Variants in DLGAP1 observed in about 807,000 individuals in gnomAD.
The protein encoded by DLGAP1 is DLG associated protein 1.
In DLGAP1, 11 loss-of-function variants were observed where a neutral mutation model predicts 90.8. The observed-to-expected ratio is 0.12, with a 90% confidence interval of 0.08 to 0.20. The LOEUF is 0.20. Ranked by LOEUF, DLGAP1 falls within the 10% of genes least tolerant of loss-of-function variation. The pLI, the probability that DLGAP1 is intolerant of heterozygous loss-of-function variation, is 1.00. For missense variants in DLGAP1, 1,050 were observed against 1,333.8 expected, an observed-to-expected ratio of 0.79 and a Z score of 3.31; for synonymous variants, 558 against 540.7, an observed-to-expected ratio of 1.03 and a Z score of -0.44.
intron 1 of DLGAP1, among the ~76,000 whole-genome samples, chr18:4,443,569 A>G (rs2083589253): frequency 6.6e-6 from 1 of 152,252 alleles, no homozygotes; most frequent in Admixed American, 6.5e-5. Flanking sequence ...TTAAGTTAGA[A>G]GCCAGTCACT....
At chr18:4,311,110 A>T (rs2080387510) in intron 1 of DLGAP1, among the ~76,000 whole-genome samples, 1 of 152,238 alleles carries the variant, frequency 6.6e-6, no homozygotes, top group Non-Finnish European at 1.5e-5. Flanking sequence ...TATACAAAGT[A>T]AGCCCAGGTA....
chr18:3,616,998 A>G (rs563966989), intron 7 of DLGAP1, among the ~76,000 whole-genome samples: 2 of 152,184 alleles, frequency 1.3e-5, no homozygotes, highest in Admixed American at 1.3e-4. Flanking sequence ...GTGAAAGACC[A>G]CCTGAAAAGC....
At chr18:3,874,192 C>A (rs1231064254) in intron 4 of DLGAP1, 2 of 1,550,184 alleles carry the variant, frequency 1.3e-6, no homozygotes, top group African/African-American at 2.7e-5. Context: ...TGCACACAAA[C>A]TGAAGAAACC....
intron 7 of DLGAP1, among the ~76,000 whole-genome samples, chr18:3,592,379 A>G (rs1309296024): frequency 1.3e-5 from 2 of 152,224 alleles, no homozygotes; most frequent in Non-Finnish European, 2.9e-5. Context: ...TGCCAGACAA[A>G]TCAGCGGTCT....
At position 3,663,770 on chromosome 18, in the gene DLGAP1, C is replaced by T. The variant is rs550918512; in HGVS notation, c.1591+65365G>A. 9.9e-5 allele frequency among the ~76,000 whole-genome samples: 15 copies of T among 152,258 alleles called. No homozygotes were observed. In the East Asian group the frequency reaches 2.5e-3, roughly 25 times the overall value. ...CTGTCTTGGACTCTCAAGACCAGCC[C>T]AACTGTGATGGTTAGTTTGTGTGTC... On this transcript the variant is annotated intron_variant, in intron 7 of 12. Coordinates refer to ENST00000315677, the MANE Select transcript of DLGAP1 (RefSeq NM_004746.4).
intron 1 of DLGAP1, among the ~76,000 whole-genome samples, chr18:4,216,869 T>C (rs1598640644): frequency 6.6e-6 from 1 of 152,090 alleles, no homozygotes; most frequent in African/African-American, 2.4e-5. Context: ...GATGAGCCAA[T>C]ATTAATATAT....
intron 1 of DLGAP1, among the ~76,000 whole-genome samples, chr18:4,361,584 G>A (rs2081630567): frequency 6.6e-6 from 1 of 152,146 alleles, no homozygotes. Flanking sequence ...CTCACCTAAT[G>A]CTACATATAA....
intron 3 of DLGAP1, among the ~76,000 whole-genome samples, chr18:3,957,899 T>C (rs1360980533): frequency 6.6e-6 from 1 of 151,874 alleles, no homozygotes; most frequent in Non-Finnish European, 1.5e-5. Flanking sequence ...CCATACTTTT[T>C]TTTTTTTTTT....
At chr18:3,612,647 C>T (rs1403777518) in intron 7 of DLGAP1, among the ~76,000 whole-genome samples, 2 of 152,186 alleles carry the variant, frequency 1.3e-5, no homozygotes, top group Admixed American at 6.5e-5. Context: ...TTAGTGGAAT[C>T]CCTGTAACAC....
At chr18:3,566,405 C>T (rs1029828535) in intron 9 of DLGAP1, among the ~76,000 whole-genome samples, 1 of 151,490 alleles carries the variant, frequency 6.6e-6, no homozygotes, top group Non-Finnish European at 1.5e-5. Flanking sequence ...ATATATATTA[C>T]ATATACACAC....
At chr18:4,159,844 A>G (rs146802282) in intron 1 of DLGAP1, among the ~76,000 whole-genome samples, 111 of 152,264 alleles carry the variant, frequency 7.3e-4, no homozygotes, top group African/African-American at 2.3e-3. Context: ...TCTTGTTTGT[A>G]CTTTTTTTTG....
At chr18:4,026,521 GA>G (rs1426492643) in intron 2 of DLGAP1, among the ~76,000 whole-genome samples, 1 of 151,724 alleles carries the variant, frequency 6.6e-6, no homozygotes, top group Non-Finnish European at 1.5e-5. Flanking sequence ...ACCAAAGGGT[GA>G]AAAAAAAGAA....
Position 4,383,307 on chromosome 18 carries a change from T to C in DLGAP1, c.-267+71699A>G, listed in dbSNP as rs2082167467. On this transcript the variant is annotated intron_variant, in intron 1 of 12. Transcript: ENST00000315677. This position sits in a 1 kb window ranked among gnomAD's most constrained non-coding sequence, Gnocchi z 4.0. ...TCAACTACTGTGCAAGCATATTTAT[T>C]AATGAGTAAAATAATATGTACTTAA... Among the ~76,000 whole-genome samples the C allele has an allele frequency of 6.6e-6, 1 of 152,208 alleles. No homozygotes were observed. The highest frequency in any genetic ancestry group is 2.4e-5 in the African/African-American group (1 of 41,466).
intron 1 of DLGAP1, among the ~76,000 whole-genome samples, chr18:4,432,915 C>T (rs2083320737): frequency 6.6e-6 from 1 of 152,050 alleles, no homozygotes; most frequent in Non-Finnish European, 1.5e-5. Flanking sequence ...ACAATCAGTT[C>T]ATATAGGTCT....
intron 9 of DLGAP1, among the ~76,000 whole-genome samples, chr18:3,542,249 T>C (rs591549): frequency 0.57 from 87,362 of 152,076 alleles, 25,997 homozygotes; most frequent in Non-Finnish European, 0.65. Flanking sequence ...ACCCCACTGA[T>C]GTAAATGAAA....
chr18:3,579,580 G>A (rs1482007690), intron 8 of DLGAP1, among the ~76,000 whole-genome samples: 1 of 152,164 alleles, frequency 6.6e-6, no homozygotes, highest in East Asian at 1.9e-4. Flanking sequence ...AAATTGAGAA[G>A]TTATTATTCA....
intron 7 of DLGAP1, among the ~76,000 whole-genome samples, chr18:3,715,984 G>A (rs892917386): frequency 6.6e-6 from 1 of 152,110 alleles, no homozygotes; most frequent in African/African-American, 2.4e-5. Context: ...AGGAAAGCAA[G>A]GGAAAGAATA....
chr18:3,939,426 A>C (rs2072718366), intron 3 of DLGAP1, among the ~76,000 whole-genome samples: 1 of 150,238 alleles, frequency 6.7e-6, no homozygotes, highest in South Asian at 2.1e-4. Context: ...CAAAAAAAAA[A>C]AAAAAAAAAA....
intron 2 of DLGAP1, among the ~76,000 whole-genome samples, chr18:4,045,445 A>AAAAAAAAAAAAAAAAC (rs2075037621): frequency 7.8e-6 from 1 of 127,560 alleles, no homozygotes; most frequent in Non-Finnish European, 1.6e-5. Flanking sequence ...AAAAAAAAAA[A>AAAAAAAAAAAAAAAAC]AAAAAAAAAA....
Sources: gnomAD v4.1 joint callset for allele counts (sites outside exome capture counted in the v4.1 genomes callset) on GRCh38, gnomAD v4.1.1 for gene constraint, Gnocchi (gnomAD v3.1) non-coding constraint, MANE v1.5 for transcripts, NCBI Gene and HGNC (gene_info 2026-07-23, HGNC 2026-07-21) for gene names.